The following ACSM6 variants were observed in gnomAD, a reference collection of about 807,000 sequenced individuals.
ACSM6 encodes the protein acyl-CoA synthetase medium chain family member 6, also known as acyl-coenzyme A synthetase ACSM6, mitochondrial.
A neutral mutation model predicts 51.1 loss-of-function variants in ACSM6; 35 were observed. The ratio of observed to expected loss-of-function variants is 0.69; its 90% confidence interval spans 0.52 to 0.91. The LOEUF is 0.91. Among genes scored for constraint, ACSM6 ranks in the 40% least tolerant of loss-of-function variants. The pLI is 0.00. For missense variants in ACSM6, 509 were observed against 584.1 expected, an observed-to-expected ratio of 0.87 and a Z score of 1.32; for synonymous variants, 172 against 207.3, an observed-to-expected ratio of 0.83 and a Z score of 1.46.
intron 2 of ACSM6, among the ~76,000 whole-genome samples, chr10:95,197,587 C>T (rs989551968): frequency 6.6e-6 from 1 of 152,100 alleles, no homozygotes; most frequent in Non-Finnish European, 1.5e-5. Flanking sequence ...GGAAGCATTG[C>T]TGCAAACATG....
chr10:95,228,397 C>T, intron 10 of ACSM6: 1 of 416,442 alleles, frequency 2.4e-6, no homozygotes, highest in Non-Finnish European at 4.3e-6. Flanking sequence ...GGACAAACCT[C>T]TGAGTGAAGT....
At chr10:95,208,933 T>TAAGAA (rs1554829585) in intron 4 of ACSM6, among the ~76,000 whole-genome samples, 5 of 33,920 alleles carry the variant, frequency 1.5e-4, no homozygotes, top group Admixed American at 1.1e-3. Context: ...CAGGGATGTT[T>TAAGAA]AAAAAAAAAA....
At chr10:95,225,900 G>A (rs1394671037) in intron 10 of ACSM6, 1 of 151,944 alleles carries the variant, frequency 6.6e-6, no homozygotes, top group Non-Finnish European at 1.5e-5. Flanking sequence ...CATGTTTTTC[G>A]TGACGTGGAC....
intron 10 of ACSM6, chr10:95,228,231 G>A (rs964097598): frequency 6.4e-6 from 1 of 155,518 alleles, no homozygotes; most frequent in Non-Finnish European, 1.4e-5. Flanking sequence ...TTGGTCAGGG[G>A]CGGTATGAAA....
At chr10:95,226,582 C>CAAAT (rs761521677) in intron 10 of ACSM6, among the ~76,000 whole-genome samples, 3 of 152,088 alleles carry the variant, frequency 2.0e-5, no homozygotes, top group Non-Finnish European at 2.9e-5. Flanking sequence ...GTCTCAAAAA[C>CAAAT]AAATAAATAA....
At chr10:95,219,632 C>T (rs1388377572) in intron 8 of ACSM6, among the ~76,000 whole-genome samples, 1 of 151,956 alleles carries the variant, frequency 6.6e-6, no homozygotes, top group Non-Finnish European at 1.5e-5. Flanking sequence ...GTTGTTGGTT[C>T]TTTTGAATAT....
chr10:95,197,059 C>T (rs967292688), intron 2 of ACSM6, among the ~76,000 whole-genome samples: 1 of 152,140 alleles, frequency 6.6e-6, no homozygotes, highest in Admixed American at 6.5e-5. Context: ...TTCTGGATTG[C>T]CTTCTACAAA....
intron 6 of ACSM6, 55 bp downstream of exon 6, chr10:95,212,089 A>G: frequency 6.2e-7 from 1 of 1,602,982 alleles, no homozygotes; most frequent in African/African-American, 1.3e-5. Context: ...GAGAGGCATT[A>G]GCAATGACCC....
At position 95,219,707 on chromosome 10, in the gene ACSM6, T is replaced by A. The variant is rs1383008187; in HGVS notation, c.1120-184T>A. 4.6e-5 allele frequency among the ~76,000 whole-genome samples: 7 copies of A among 152,234 alleles called. No homozygotes were observed. In the East Asian group the frequency reaches 1.3e-3, roughly 29 times the overall value. Reference sequence around the variant, plus strand: ...TGTTCTTCTGTTCCCCTGCATTTCCTGTAAATTGACCTAGAGGTTAATTTA... The same window carrying A: ...TGTTCTTCTGTTCCCCTGCATTTCCAGTAAATTGACCTAGAGGTTAATTTA... On this transcript the variant is annotated intron_variant, in intron 8 of 10. Transcript: ENST00000341686.
intron 5 of ACSM6, 47 bp from the exon 6 acceptor site, chr10:95,211,831 T>G: frequency 1.3e-6 from 2 of 1,534,484 alleles, no homozygotes; most frequent in Non-Finnish European, 1.8e-6. Flanking sequence ...TTGTTGTTGC[T>G]AGTACCAGCA....
chr10:95,228,832 A>G, exon 11 of ACSM6: 3 of 1,532,998 alleles, frequency 2.0e-6, no homozygotes, highest in Non-Finnish European at 2.6e-6. Flanking sequence ...AGTTTGAAGA[A>G]GACTCTGGAC....
At chr10:95,222,759 G>C (rs2035005410) in intron 9 of ACSM6, among the ~76,000 whole-genome samples, 1 of 150,314 alleles carries the variant, frequency 6.7e-6, no homozygotes, top group Non-Finnish European at 1.5e-5. Context: ...AACTACTAGA[G>C]ATCTACTGTA....
At chr10:95,199,835 T>G (rs945336930) in intron 2 of ACSM6, among the ~76,000 whole-genome samples, 2 of 152,128 alleles carry the variant, frequency 1.3e-5, no homozygotes, top group Non-Finnish European at 2.9e-5. Flanking sequence ...TGGTGATCAT[T>G]AAAAAGTCAG....
At chr10:95,202,571 CA>C (rs1385628634) in intron 3 of ACSM6, among the ~76,000 whole-genome samples, 1 of 152,110 alleles carries the variant, frequency 6.6e-6, no homozygotes, top group African/African-American at 2.4e-5. Context: ...ATCAAAACAA[CA>C]GACAGAGCAT....
chr10:95,224,691 C>T (rs576248712), intron 9 of ACSM6, among the ~76,000 whole-genome samples: 42 of 152,346 alleles, frequency 2.8e-4, no homozygotes, highest in Admixed American at 5.9e-4. Context: ...TGAGCCACCA[C>T]GCCCAGCCAA....
chr10:95,206,182 G>A (rs1238865261), intron 3 of ACSM6, among the ~76,000 whole-genome samples: 6 of 152,024 alleles, frequency 3.9e-5, no homozygotes, highest in Non-Finnish European at 1.5e-5. Context: ...TGCAAAACCT[G>A]GCAACCAATA....
intron 6 of ACSM6, among the ~76,000 whole-genome samples, chr10:95,212,363 A>G (rs2034901675): frequency 6.6e-6 from 1 of 152,246 alleles, no homozygotes; most frequent in Non-Finnish European, 1.5e-5. Context: ...CATCTCCCCA[A>G]GAACCCTGTG....
At chr10:95,226,726 A>G (rs2035043933) in intron 10 of ACSM6, among the ~76,000 whole-genome samples, 1 of 152,196 alleles carries the variant, frequency 6.6e-6, no homozygotes, top group Non-Finnish European at 1.5e-5. Context: ...TAAAATATTT[A>G]TTTAGCCTTT....
chr10:95,220,641 T>C (rs1342728122), intron 9 of ACSM6, among the ~76,000 whole-genome samples: 1 of 152,220 alleles, frequency 6.6e-6, no homozygotes, highest in African/African-American at 2.4e-5. Context: ...AATATTAGTA[T>C]TTACTTTAAC....
Sources: gnomAD v4.1 joint callset for allele counts (sites outside exome capture counted in the v4.1 genomes callset) on GRCh38, gnomAD v4.1.1 for gene constraint, MANE v1.5 for transcripts, NCBI Gene and HGNC (gene_info 2026-07-23, HGNC 2026-07-21) for gene names.